The following ALLC variants were observed in gnomAD, a reference collection of about 807,000 sequenced individuals.
ALLC encodes the protein allantoicase, also known as probable inactive allantoicase.
Under a neutral mutation model 45.0 loss-of-function variants are expected in ALLC, and 40 were observed. The ratio of observed to expected loss-of-function variants is 0.89; its 90% CI spans 0.69 to 1.16. The LOEUF is 1.16. Among genes scored for constraint, ALLC ranks in the 50% most tolerant of loss-of-function variants. ALLC has a pLI of 0.00. For missense variants in ALLC, 488 were observed against 493.1 expected (o/e 0.99, Z 0.10); for synonymous variants, 176 against 178.1 (o/e 0.99, Z 0.09).
intron 9 of ALLC, 91 bp from the exon 10 acceptor site, chr2:3,697,257 C>A: frequency 1.1e-6 from 1 of 904,050 alleles, no homozygotes; most frequent in Non-Finnish European, 1.8e-6. Context: ...ATAAAAGAAA[C>A]ACGTCAACCT....
intron 10 of ALLC, among the ~76,000 whole-genome samples, chr2:3,699,248 T>A (rs1489048106): frequency 6.6e-6 from 1 of 152,194 alleles, no homozygotes; most frequent in East Asian, 1.9e-4. Flanking sequence ...TATGTAAACA[T>A]ATAGTATTTG....
At chr2:3,673,979 T>C (rs746175089) in intron 2 of ALLC, 96 bp from the exon 3 acceptor site, 2 of 973,634 alleles carry the variant, frequency 2.1e-6, no homozygotes, top group Non-Finnish European at 3.1e-6. Flanking sequence ...TCACGTTTTC[T>C]TTTTACTTCA....
rs571023016 is a variant in ALLC, at chr2:3,679,873, C to T, written c.177C>T (p.His59=). Residue 59 remains histidine, a synonymous_variant, in exon 5 of 12, where the codon CAC becomes CAT. Coordinates refer to ENST00000252505, the MANE Select transcript of ALLC (RefSeq NM_018436.4). ...CTTGTCCTCTGTGTTGCGCAGGTCA[C>T]GACTGGTGTGTCCTCAGGCTGGGGA... The part of the protein sequence containing the change: ...WETRRKRIPG[H]DWCVLRLGIQ... The T allele has an allele frequency of 9.9e-6, 16 of 1,613,888 alleles. No individual in the cohort carries two copies. The highest frequency in any genetic ancestry group is 4.0e-5 in the African/African-American group (3 of 75,058).
At chr2:3,651,130 G>A in the ALLC span, among the ~76,000 whole-genome samples, 1 of 151,432 alleles carries the variant, frequency 6.6e-6, no homozygotes, top group African/African-American at 2.5e-5. Context: ...AGATGGATGA[G>A]CGCAGACACA....
chr2:3,668,350 C>A (rs1666781105), intron 1 of ALLC, among the ~76,000 whole-genome samples: 2 of 152,056 alleles, frequency 1.3e-5, no homozygotes, highest in Non-Finnish European at 2.9e-5. Context: ...GAGGGAGGTG[C>A]TTGTGGCCAA....
In ALLC at chr2:3,678,495, GA is replaced by G; in HGVS notation, c.114del (p.Glu38AspfsTer90). 1 of 1,614,048 alleles carries G rather than the reference GA, an allele frequency of 6.2e-7. No homozygotes were observed. Among genetic ancestry groups the G allele is most frequent in the Non-Finnish European group, 8.5e-7 (1 of 1,179,880 alleles). On this transcript the variant is annotated frameshift_variant, in exon 4 of 12. Coordinates refer to ENST00000252505, the MANE Select transcript of ALLC (RefSeq NM_018436.4). LOFTEE classifies it high-confidence loss of function. ...KSDSPCFKEH[E>X]YTEFGKWMDG... ...TGACAGCCCGTGCTTCAAAGAGCAT[GA>G]ATATACGGAGTTTGGGAAATGGATG...
intron 8 of ALLC, among the ~76,000 whole-genome samples, 172 bp downstream of exon 8, chr2:3,696,044 A>AG (rs1016139015): frequency 3.3e-5 from 5 of 152,242 alleles, no homozygotes; most frequent in African/African-American, 1.2e-4. Context: ...AAATAAGTCA[A>AG]CATTACCAAT....
chr2:3,691,077 T>C (rs1470566225), intron 7 of ALLC, among the ~76,000 whole-genome samples: 1 of 152,192 alleles, frequency 6.6e-6, no homozygotes, highest in African/African-American at 2.4e-5. Context: ...AGATAGCTTT[T>C]CTAGATACAA....
the ALLC span, among the ~76,000 whole-genome samples, chr2:3,651,321 GTGTGTGT>G: frequency 5.3e-3 from 9 of 1,708 alleles, no homozygotes; most frequent in African/African-American, 6.2e-3. Flanking sequence ...GGTGGGGGGG[GTGTGTGT>G]GTGTGTGTGT....
At chr2:3,701,717 C>T (rs1667844400) in intron 11 of ALLC, 81 bp downstream of exon 11, 2 of 1,447,768 alleles carry the variant, frequency 1.4e-6, no homozygotes, top group Non-Finnish European at 9.2e-7. Flanking sequence ...TTAGGATACG[C>T]TCCAAAGTTT....
chr2:3,697,426 C>G lies in ALLC; in HGVS notation c.820C>G (p.Arg274Gly). 1 of 1,613,550 alleles carries G rather than the reference C, an allele frequency of 6.2e-7. No homozygotes were observed. Among genetic ancestry groups the G allele is most frequent in the Non-Finnish European group, 8.5e-7 (1 of 1,179,694 alleles). Residue 274 changes from arginine to glycine, a missense_variant, in exon 10 of 12, where the codon CGA (arginine) becomes GGA (glycine). Transcript: ENST00000252505. ...ATTGGCACATCCTGGAGTAATAACTCGAATTGAAATTGACACAAAATATTT... is the reference window on the plus strand; with the variant it reads ...ATTGGCACATCCTGGAGTAATAACTGGAATTGAAATTGACACAAAATATTT... Reference protein sequence around the residue: ...FRLAHPGVITRIEIDTKYFEG... With the variant: ...FRLAHPGVITGIEIDTKYFEG...
At chr2:3,679,484 A>AGTC (rs770255022) in intron 4 of ALLC, among the ~76,000 whole-genome samples, 1 of 152,226 alleles carries the variant, frequency 6.6e-6, no homozygotes, top group Non-Finnish European at 1.5e-5. Context: ...TCGCACACTC[A>AGTC]GTCTAAGCTT....
chr2:3,664,120 C>CT (rs1666638986), intron 1 of ALLC, among the ~76,000 whole-genome samples: 2 of 152,206 alleles, frequency 1.3e-5, no homozygotes, highest in Non-Finnish European at 2.9e-5. Flanking sequence ...AAAGGTCTGT[C>CT]TTTTTTGCCT....
chr2:3,660,366 C>T (rs1666542563), intron 1 of ALLC, among the ~76,000 whole-genome samples: 1 of 152,108 alleles, frequency 6.6e-6, no homozygotes, highest in African/African-American at 2.4e-5. Flanking sequence ...AAGTAAACCC[C>T]TTTTTTTAAT....
intron 4 of ALLC, 44 bp from the exon 5 acceptor site, chr2:3,679,825 G>C (rs767351165): frequency 1.9e-6 from 3 of 1,610,042 alleles, no homozygotes; most frequent in Non-Finnish European, 2.5e-6. Flanking sequence ...AGCATCTGCT[G>C]TGTTGGCCCT....
At chr2:3,651,431 GTGTGTGTGTGTTAGGA>G in the ALLC span, among the ~76,000 whole-genome samples, 1 of 60,328 alleles carries the variant, frequency 1.7e-5, no homozygotes, top group Non-Finnish European at 3.9e-5. Flanking sequence ...GTGTGTGTGT[GTGTGTGTGTGTTAGGA>G]AGGGAGACGA....
rs183094468 is a variant in ALLC, at chr2:3,692,240, T to A, written c.512-3477T>A. ...TTTTCTTTCTGGGTTGTTTCAGTTT[T>A]TGTTGAATATATTTGCTTAGATGTA... On this transcript the variant is annotated intron_variant, in intron 7 of 11. Transcript: ENST00000252505. 2.4e-4 allele frequency among the ~76,000 whole-genome samples: 37 copies of A among 152,328 alleles called. No homozygotes were observed. In the East Asian group the frequency reaches 7.1e-3, roughly 29 times the overall value.
At chr2:3,651,112 G>A in the ALLC span, among the ~76,000 whole-genome samples, 3 of 151,880 alleles carry the variant, frequency 2.0e-5, no homozygotes, top group African/African-American at 7.3e-5. Context: ...CCTCTGAAGC[G>A]TGGGCTGAGA....
chr2:3,695,654 G>A, intron 7 of ALLC, 63 bp from the exon 8 acceptor site: 1 of 1,587,236 alleles, frequency 6.3e-7, no homozygotes, highest in Admixed American at 1.7e-5. Flanking sequence ...GGAGGGTCCT[G>A]TAGTGTATGA....
Sources: gnomAD v4.1 joint callset for allele counts (sites outside exome capture counted in the v4.1 genomes callset) on GRCh38, gnomAD v4.1.1 for gene constraint, MANE v1.5 for transcripts, NCBI Gene and HGNC (gene_info 2026-07-23, HGNC 2026-07-21) for gene names.